BICC1: variants seen among roughly 807,000 people sequenced by gnomAD.
The protein encoded by BICC1 is protein bicaudal C homolog 1.
Under a neutral mutation model 111.0 loss-of-function variants are expected in BICC1, and 43 were observed. The observed-to-expected ratio is 0.39, with a 90% CI of 0.30 to 0.50. BICC1 has a LOEUF of 0.50. BICC1 is among the 20% of genes least tolerant of loss of function. BICC1 has a pLI of 0.88. For synonymous variants in BICC1, 467 were observed against 434.4 expected, an observed-to-expected ratio of 1.07 and a Z score of -0.93; for missense variants, 1,091 against 1,203.2, an observed-to-expected ratio of 0.91 and a Z score of 1.38.
chr10:58,620,966 C>A, intron 2 of BICC1, 65 bp downstream of exon 2: 1 of 1,431,956 alleles, frequency 7.0e-7, no homozygotes, highest in Non-Finnish European at 9.7e-7. Flanking sequence ...TCAACAGCTA[C>A]CCTAGAAGCC....
intron 1 of BICC1, among the ~76,000 whole-genome samples, chr10:58,537,310 A>G (rs1589074115): frequency 6.6e-6 from 1 of 151,302 alleles, no homozygotes; most frequent in Non-Finnish European, 1.5e-5. Context: ...AGATGCAAAA[A>G]TCCTCAACAA....
At chr10:58,567,704 CAGTTT>C (rs2131970505) in intron 1 of BICC1, among the ~76,000 whole-genome samples, 1 of 152,128 alleles carries the variant, frequency 6.6e-6, no homozygotes, top group Non-Finnish European at 1.5e-5. Context: ...CAGCCACTGT[CAGTTT>C]AAAGTCAATA....
chr10:58,626,194 T>A (rs555570757), intron 2 of BICC1, among the ~76,000 whole-genome samples: 1 of 152,176 alleles, frequency 6.6e-6, no homozygotes, highest in African/African-American at 2.4e-5. Flanking sequence ...CAGCATTACA[T>A]TGTTGGTCCC....
chr10:58,664,208 C>T (rs1270082975), intron 2 of BICC1, among the ~76,000 whole-genome samples: 2 of 152,180 alleles, frequency 1.3e-5, no homozygotes, highest in Admixed American at 6.5e-5. Context: ...AGTTGTTTCA[C>T]ATCCTTGTCA....
At chr10:58,528,903 C>A (rs189008248) in intron 1 of BICC1, among the ~76,000 whole-genome samples, 1 of 151,880 alleles carries the variant, frequency 6.6e-6, no homozygotes, top group Non-Finnish European at 1.5e-5. Context: ...TTTACCACAC[C>A]TGAGCATTCA....
At chr10:58,535,075 C>T (rs1842791208) in intron 1 of BICC1, among the ~76,000 whole-genome samples, 1 of 151,478 alleles carries the variant, frequency 6.6e-6, no homozygotes, top group African/African-American at 2.4e-5. Flanking sequence ...AACAAAGTCT[C>T]CAAGAAATAT....
At chr10:58,567,652 T>C (rs1843810799) in intron 1 of BICC1, among the ~76,000 whole-genome samples, 1 of 152,056 alleles carries the variant, frequency 6.6e-6, no homozygotes, top group African/African-American at 2.4e-5. Flanking sequence ...TTTGAGCCTC[T>C]GCTGAATGCT....
rs1840717327 is a variant in BICC1 at position 58,715,650 on chromosome 10, T to C, written c.307+13507T>C. On this transcript the variant is annotated intron_variant, in intron 3 of 20. Coordinates refer to ENST00000373886, the MANE Select transcript of BICC1 (RefSeq NM_001080512.3). ...GTCTTCAGGGCCAACAATACAGGATTATCTGAATTGACCAAGGCCTACCTG... is the reference window on the plus strand; with the variant it reads ...GTCTTCAGGGCCAACAATACAGGATCATCTGAATTGACCAAGGCCTACCTG... 5 of 1,604,944 alleles carry C rather than the reference T, an allele frequency of 3.1e-6. 1 individual carries two copies. In the South Asian group the frequency reaches 5.5e-5, roughly 18 times the overall value.
chr10:58,802,265 C>T (rs913747062), intron 14 of BICC1, among the ~76,000 whole-genome samples: 1 of 152,196 alleles, frequency 6.6e-6, no homozygotes, highest in Non-Finnish European at 1.5e-5. Flanking sequence ...CCTCTGTCAA[C>T]TTTTGTCAAG....
At chr10:58,638,082 G>T (rs1838004825) in intron 2 of BICC1, among the ~76,000 whole-genome samples, 1 of 152,072 alleles carries the variant, frequency 6.6e-6, no homozygotes, top group Non-Finnish European at 1.5e-5. Flanking sequence ...TAGCAGGAGG[G>T]CTGTTTTGGA....
At chr10:58,624,930 C>G (rs1028826425) in intron 2 of BICC1, among the ~76,000 whole-genome samples, 3 of 152,058 alleles carry the variant, frequency 2.0e-5, no homozygotes, top group South Asian at 2.1e-4. Flanking sequence ...ATTTGTACAC[C>G]CTTGGTCTTT....
At chr10:58,676,299 G>T (rs1385331332) in intron 2 of BICC1, among the ~76,000 whole-genome samples, 7 of 152,296 alleles carry the variant, frequency 4.6e-5, no homozygotes, top group Non-Finnish European at 8.8e-5. Flanking sequence ...TGGAAGGGGG[G>T]CTGAAGCCAG....
chr10:58,782,682 A>C (rs1000124335), intron 3 of BICC1, among the ~76,000 whole-genome samples: 2 of 152,142 alleles, frequency 1.3e-5, no homozygotes, highest in Non-Finnish European at 2.9e-5. Flanking sequence ...TTAAAACCTG[A>C]TTGAAGGTAG....
intron 1 of BICC1, among the ~76,000 whole-genome samples, chr10:58,553,704 T>A (rs1201596746): frequency 6.6e-6 from 1 of 152,184 alleles, no homozygotes; most frequent in Non-Finnish European, 1.5e-5. Context: ...AAGACAAGTT[T>A]TTTTTTCGGG....
intron 1 of BICC1, among the ~76,000 whole-genome samples, chr10:58,617,216 C>T (rs1180088049): frequency 6.6e-6 from 1 of 152,232 alleles, no homozygotes; most frequent in Non-Finnish European, 1.5e-5. Context: ...GGATGGGCTA[C>T]AGTCGTCGTG....
intron 2 of BICC1, among the ~76,000 whole-genome samples, chr10:58,694,855 G>T (rs975880979): frequency 5.9e-5 from 9 of 152,114 alleles, no homozygotes; most frequent in Non-Finnish European, 1.3e-4. Context: ...ATTTATGGCT[G>T]AATTCTGAGA....
At chr10:58,768,621 AAG>A (rs1842524579) in intron 3 of BICC1, among the ~76,000 whole-genome samples, 1 of 152,156 alleles carries the variant, frequency 6.6e-6, no homozygotes. Context: ...TAAAAGACAA[AAG>A]TATTAAAAAT....
intron 3 of BICC1, among the ~76,000 whole-genome samples, chr10:58,762,981 A>C (rs1842358752): frequency 6.6e-6 from 1 of 152,186 alleles, no homozygotes; most frequent in Non-Finnish European, 1.5e-5. Context: ...TCTAAATGTA[A>C]AATGGAGCCA....
chr10:58,661,649 A>C (rs1012579913), intron 2 of BICC1, among the ~76,000 whole-genome samples: 4 of 152,172 alleles, frequency 2.6e-5, no homozygotes, highest in Non-Finnish European at 5.9e-5. Context: ...GGTTGTGCTC[A>C]TTTGTTGGCA....
Sources: allele counts gnomAD v4.1 joint callset (sites outside exome capture counted in the v4.1 genomes callset), GRCh38; gene constraint gnomAD v4.1.1; transcripts MANE v1.5; gene names NCBI Gene and HGNC (gene_info 2026-07-23, HGNC 2026-07-21).